The following DPP10 variants were observed in gnomAD, a reference collection of about 807,000 sequenced individuals.
DPP10 encodes the protein dipeptidyl peptidase like 10.
DPP10 carries 33 observed loss-of-function variants against 120.9 expected under a neutral mutation model. The observed-to-expected ratio is 0.27, with a 90% CI of 0.21 to 0.37. The LOEUF (loss-of-function observed/expected upper bound fraction) is 0.37. Among genes scored for constraint, DPP10 ranks in the 10% least tolerant of loss-of-function variants. The pLI is 1.00. For synonymous variants in DPP10, 337 were observed against 326.1 expected (o/e 1.03, Z -0.36); for missense variants, 816 against 942.8 (o/e 0.87, Z 1.76).
chr2:115,408,085 G>C (rs542388911), intron 3 of DPP10, among the ~76,000 whole-genome samples: 1 of 151,968 alleles, frequency 6.6e-6, no homozygotes, highest in East Asian at 1.9e-4. Flanking sequence ...TCCCAGTCTC[G>C]GTGACCACGA....
chr2:114,838,164 C>T (rs1256468293), intron 1 of DPP10, among the ~76,000 whole-genome samples: 1 of 152,138 alleles, frequency 6.6e-6, no homozygotes, highest in East Asian at 1.9e-4. Flanking sequence ...CCACTAAATC[C>T]ATTGCCCTCA....
At position 115,803,571 on chromosome 2, in the gene DPP10, G is replaced by A. The variant is rs568807721; in HGVS notation, c.1701-11222G>A. The stretch of plus-strand genomic sequence containing the variant: ...GCATGTTTTTGCAGTGGCTGGTACC[G>A]GTTGTTCCTTTCCATGTTTAGTGCT... On this transcript the variant is annotated intron_variant, in intron 19 of 25. Coordinates refer to ENST00000410059, the MANE Select transcript of DPP10 (RefSeq NM_020868.6). Among the ~76,000 whole-genome samples the A allele has an allele frequency of 4.6e-5, 7 of 152,204 alleles. No individual in the cohort carries two copies. The East Asian group carries it at 7.7e-4, about 17-fold the overall frequency.
intron 3 of DPP10, among the ~76,000 whole-genome samples, chr2:115,396,799 T>C (rs2067711014): frequency 1.3e-5 from 2 of 152,130 alleles, no homozygotes; most frequent in African/African-American, 2.4e-5. Context: ...CCCATCCTCA[T>C]TGCACAATCC....
intron 3 of DPP10, among the ~76,000 whole-genome samples, chr2:115,496,702 A>G (rs1188293353): frequency 1.3e-5 from 2 of 152,232 alleles, no homozygotes; most frequent in Non-Finnish European, 2.9e-5. Flanking sequence ...AAAATTCTGC[A>G]TTGTGCTTGT....
At chr2:114,652,866 G>A (rs1216305241) in intron 1 of DPP10, among the ~76,000 whole-genome samples, 1 of 151,848 alleles carries the variant, frequency 6.6e-6, no homozygotes, top group African/African-American at 2.4e-5. Flanking sequence ...TAAAACCATC[G>A]TGCCCAGACA....
At chr2:115,155,292 G>A (rs1439541021) in intron 1 of DPP10, among the ~76,000 whole-genome samples, 1 of 152,158 alleles carries the variant, frequency 6.6e-6, no homozygotes, top group African/African-American at 2.4e-5. Flanking sequence ...AAAGAAGAAA[G>A]TCCCTGTGAA....
chr2:115,046,780 T>C (rs552107226), intron 1 of DPP10, among the ~76,000 whole-genome samples: 1 of 152,118 alleles, frequency 6.6e-6, no homozygotes, highest in South Asian at 2.1e-4. Flanking sequence ...AATTTATTAA[T>C]AATATTATTT....
chr2:115,365,519 T>A (rs1046144120), intron 3 of DPP10, among the ~76,000 whole-genome samples: 12 of 152,080 alleles, frequency 7.9e-5, no homozygotes, highest in African/African-American at 2.9e-4. Flanking sequence ...AGAATTTCCA[T>A]GTTTAAGAAT....
chr2:115,842,163 A>G, intron 25 of DPP10, 48 bp from the exon 26 acceptor site: 1 of 1,525,012 alleles, frequency 6.6e-7, no homozygotes, highest in Non-Finnish European at 8.9e-7. Context: ...TGCGAGAGAC[A>G]ATAGCTTCTT....
At chr2:114,461,911 C>CGTG (rs1558778451) in intron 1 of DPP10, 1 of 985,230 alleles carries the variant, frequency 1.0e-6, no homozygotes, top group East Asian at 1.1e-4. Context: ...ATGAGAGCTG[C>CGTG]GTGGAGCTGG....
intron 2 of DPP10, among the ~76,000 whole-genome samples, chr2:115,335,499 A>G (rs1375362833): frequency 6.6e-6 from 1 of 152,010 alleles, no homozygotes; most frequent in African/African-American, 2.4e-5. Flanking sequence ...TCTGCTGCCT[A>G]AAGTTTCAGC....
At chr2:114,984,908 T>C (rs903934639) in intron 1 of DPP10, among the ~76,000 whole-genome samples, 10 of 152,170 alleles carry the variant, frequency 6.6e-5, no homozygotes, top group Admixed American at 6.5e-5. Context: ...TCCATTTCCA[T>C]GGCTTTTACA....
At chr2:114,461,483 T>A in intron 1 of DPP10, 1 of 720,266 alleles carries the variant, frequency 1.4e-6, no homozygotes, top group Non-Finnish European at 1.7e-6. Context: ...AGGATTTGAT[T>A]ACCTGTCTCC....
chr2:115,617,364 T>C (rs969636099), intron 5 of DPP10, among the ~76,000 whole-genome samples: 1 of 149,106 alleles, frequency 6.7e-6, no homozygotes, highest in African/African-American at 2.4e-5. Context: ...TACATATATA[T>C]TTATGCATAA....
chr2:115,442,306 T>C (rs1337277475), intron 3 of DPP10, among the ~76,000 whole-genome samples: 2 of 152,016 alleles, frequency 1.3e-5, no homozygotes, highest in Non-Finnish European at 2.9e-5. Flanking sequence ...CCAGTGCTCC[T>C]CTGCTCCTAC....
At chr2:114,990,557 TTTA>T in intron 1 of DPP10, among the ~76,000 whole-genome samples, 1 of 152,336 alleles carries the variant, frequency 6.6e-6, no homozygotes, top group East Asian at 1.9e-4. Context: ...CTGCGATTTC[TTTA>T]TTATTCTACA....
At chr2:114,969,111 G>C (rs935958115) in intron 1 of DPP10, among the ~76,000 whole-genome samples, 3 of 152,170 alleles carry the variant, frequency 2.0e-5, no homozygotes, top group Non-Finnish European at 2.9e-5. Context: ...ATTGTTGGTA[G>C]ATTAATAGAA....
rs186824278 is a variant in DPP10, at chr2:115,147,296, A to G, written c.61-161943A>G. ...AAAAAGTCATTATTGCAGGCACTCT[A>G]TGAAAACTTATTAATTAAAATAAAC... On this transcript the variant is annotated intron_variant, in intron 1 of 25. Transcript: ENST00000410059. 2.0e-3 allele frequency among the ~76,000 whole-genome samples: 300 copies of G among 152,116 alleles called. 3 individuals are homozygous for G. Among genetic ancestry groups the G allele is most frequent in the Non-Finnish European group, 2.8e-3 (191 of 67,980 alleles).
chr2:115,486,799 G>A (rs538837410), intron 3 of DPP10, among the ~76,000 whole-genome samples: 7 of 152,156 alleles, frequency 4.6e-5, no homozygotes, highest in Admixed American at 3.3e-4. Context: ...TGAAATGGTC[G>A]TGTGAAAATT....
Sources: gnomAD v4.1 joint callset for allele counts (sites outside exome capture counted in the v4.1 genomes callset) on GRCh38, gnomAD v4.1.1 for gene constraint, MANE v1.5 for transcripts, NCBI Gene and HGNC (gene_info 2026-07-23, HGNC 2026-07-21) for gene names.